Variants in MICAL3 observed in about 807,000 individuals in gnomAD.
MICAL3 encodes microtubule associated monooxygenase, calponin and LIM domain containing 3.
Under a neutral mutation model 207.4 loss-of-function variants are expected in MICAL3, and 62 were observed. The ratio of observed to expected loss-of-function variants is 0.30; its 90% confidence interval spans 0.24 to 0.37. MICAL3 has a LOEUF of 0.37. Ranked by LOEUF, MICAL3 falls within the 10% of genes least tolerant of loss-of-function variation. MICAL3 has a pLI of 1.00. For missense variants in MICAL3, 2,368 were observed against 2,635.6 expected, an observed-to-expected ratio of 0.90 and a Z score of 2.22; for synonymous variants, 1,077 against 1,069.3, an observed-to-expected ratio of 1.01 and a Z score of -0.14.
At chr22:17,932,507 C>T (rs936098593) in intron 1 of MICAL3, among the ~76,000 whole-genome samples, 4 of 152,174 alleles carry the variant, frequency 2.6e-5, no homozygotes, top group Non-Finnish European at 5.9e-5. Context: ...TGATCAGTAC[C>T]AACCAATGCA....
chr22:17,968,787 G>A (rs1438229590), intron 1 of MICAL3, among the ~76,000 whole-genome samples: 2 of 152,138 alleles, frequency 1.3e-5, no homozygotes, highest in Non-Finnish European at 2.9e-5. Flanking sequence ...GAGCTCGAGG[G>A]GAGTTAGGCG....
intron 22 of MICAL3, among the ~76,000 whole-genome samples, chr22:17,826,231 C>T (rs1257189821): frequency 1.3e-5 from 2 of 152,038 alleles, no homozygotes; most frequent in African/African-American, 2.4e-5. Context: ...CTGTGTCTGT[C>T]CTGCCTGCCC....
At chr22:18,001,029 G>A (rs1922929361) in intron 1 of MICAL3, 3 of 152,230 alleles carry the variant, frequency 2.0e-5, no homozygotes, top group Non-Finnish European at 4.4e-5. Context: ...GCCTGAAGCG[G>A]GCAGCCTCCC....
chr22:17,823,899 T>C (rs1921897016), intron 22 of MICAL3, among the ~76,000 whole-genome samples: 1 of 152,204 alleles, frequency 6.6e-6, no homozygotes, highest in South Asian at 2.1e-4. Flanking sequence ...TCCACAGCGC[T>C]GTGTGCAGGG....
intron 25 of MICAL3, among the ~76,000 whole-genome samples, chr22:17,820,968 TTA>T (rs1313778220): frequency 1.4e-5 from 2 of 142,530 alleles, no homozygotes; most frequent in East Asian, 2.0e-4. Flanking sequence ...TTTAATAAAT[TTA>T]TATTTATAAA....
chr22:17,936,059 A>G (rs1933510439), intron 1 of MICAL3, among the ~76,000 whole-genome samples: 1 of 152,250 alleles, frequency 6.6e-6, no homozygotes. Context: ...CATTTGACCC[A>G]GCAATCCCAT....
At chr22:17,798,727 G>T (rs1034019598) in intron 29 of MICAL3, among the ~76,000 whole-genome samples, 8 of 145,234 alleles carry the variant, frequency 5.5e-5, no homozygotes, top group Non-Finnish European at 1.2e-4. Context: ...AGGCTGGAGT[G>T]CAGTGGCGCG....
chr22:17,795,534 A>G (rs1354795915), intron 29 of MICAL3, among the ~76,000 whole-genome samples: 1 of 152,256 alleles, frequency 6.6e-6, no homozygotes, highest in Non-Finnish European at 1.5e-5. Flanking sequence ...GTTTTTATGT[A>G]GGCCACATCC....
At chr22:17,906,345 G>C (rs1569127925) in intron 2 of MICAL3, among the ~76,000 whole-genome samples, 1 of 152,218 alleles carries the variant, frequency 6.6e-6, no homozygotes, top group Non-Finnish European at 1.5e-5. Flanking sequence ...GACTTTGCCT[G>C]GTTCTCACTC....
At chr22:17,885,679 A>T (rs973562321) in intron 16 of MICAL3, among the ~76,000 whole-genome samples, 199 bp downstream of exon 16, 2 of 152,148 alleles carry the variant, frequency 1.3e-5, no homozygotes, top group Non-Finnish European at 2.9e-5. Context: ...AGGCCTGAAC[A>T]CTGAGGACGG....
intron 22 of MICAL3, 97 bp from the exon 23 acceptor site, chr22:17,823,157 C>T: frequency 1.2e-6 from 1 of 808,642 alleles, no homozygotes; most frequent in Non-Finnish European, 2.1e-6. Flanking sequence ...TCTCAGGGCG[C>T]TGCCATGCAG....
chr22:17,855,195 G>A (rs898104330), intron 19 of MICAL3, among the ~76,000 whole-genome samples: 15 of 152,186 alleles, frequency 9.9e-5, no homozygotes, highest in Non-Finnish European at 1.3e-4. Flanking sequence ...ATCACTTTAC[G>A]TGTGAGTTCA....
At chr22:17,858,962 G>T (rs1926221564) in intron 19 of MICAL3, among the ~76,000 whole-genome samples, 1 of 152,152 alleles carries the variant, frequency 6.6e-6, no homozygotes, top group Non-Finnish European at 1.5e-5. Flanking sequence ...GTCACTTATT[G>T]CGCCCCCCAC....
At chr22:18,011,035 C>T (rs1923686873) in intron 1 of MICAL3, among the ~76,000 whole-genome samples, 1 of 152,168 alleles carries the variant, frequency 6.6e-6, no homozygotes, top group African/African-American at 2.4e-5. Flanking sequence ...CTCCTCTGTG[C>T]TCTGGCAGCC....
At chr22:17,826,980 C>T (rs1177429868) in intron 22 of MICAL3, among the ~76,000 whole-genome samples, 1 of 152,210 alleles carries the variant, frequency 6.6e-6, no homozygotes, top group Non-Finnish European at 1.5e-5. Flanking sequence ...TGTGCACGCA[C>T]AGAAGTGACA....
intron 1 of MICAL3, among the ~76,000 whole-genome samples, chr22:17,992,770 T>G (rs985257593): frequency 3.3e-5 from 5 of 152,202 alleles, no homozygotes; most frequent in African/African-American, 9.7e-5. Context: ...TTCTGCCCCA[T>G]TCCTCTTCCT....
intron 19 of MICAL3, among the ~76,000 whole-genome samples, chr22:17,859,663 A>G (rs1745985204): frequency 6.6e-6 from 1 of 152,244 alleles, no homozygotes; most frequent in African/African-American, 2.4e-5. Context: ...CCTTACCAGG[A>G]GCAAGGCTGT....
chr22:17,872,770 C>T, intron 16 of MICAL3: 1 of 1,613,232 alleles, frequency 6.2e-7, no homozygotes, highest in South Asian at 1.1e-5. Context: ...TCTAGAAGGG[C>T]TTTGGGTTGT....
Position 17,798,776 on chromosome 22 carries a change from T to C in MICAL3, c.5651-7475A>G, listed in dbSNP as rs999955375. Among the ~76,000 whole-genome samples the C allele has an allele frequency of 2.7e-3, 410 of 149,228 alleles. 9 individuals carry two copies. Among genetic ancestry groups the C allele is most frequent in the Admixed American group, 0.024 (361 of 15,002 alleles). ...GCAAGCTCCGCCTCCCGGGTTCACG[T>C]CATTCTCCTGCCTCAGCCTCCTGAG... On this transcript the variant is annotated intron_variant, in intron 29 of 31. Transcript: ENST00000441493.
Sources: gnomAD v4.1 joint callset for allele counts (sites outside exome capture counted in the v4.1 genomes callset) on GRCh38, gnomAD v4.1.1 for gene constraint, MANE v1.5 for transcripts, NCBI Gene and HGNC (gene_info 2026-07-23, HGNC 2026-07-21) for gene names.